MPHOSPH9: variants seen among roughly 807,000 people sequenced by gnomAD.
MPHOSPH9 encodes M-phase phosphoprotein 9.
In MPHOSPH9, 88 loss-of-function variants were observed where a neutral mutation model predicts 145.5. The observed-to-expected ratio is 0.60, with a 90% CI of 0.51 to 0.72. The LOEUF (loss-of-function observed/expected upper bound fraction) is 0.72, where lower values mean the gene tolerates loss of function less well. Ranked by LOEUF, MPHOSPH9 falls within the 30% of genes least tolerant of loss-of-function variation. The pLI is 0.00. For synonymous variants in MPHOSPH9, 435 were observed against 486.2 expected (o/e 0.89, Z 1.39); for missense variants, 1,238 against 1,386.6 (o/e 0.89, Z 1.70).
At chr12:123,220,785 G>A (rs2047164002) in intron 5 of MPHOSPH9, among the ~76,000 whole-genome samples, 1 of 152,014 alleles carries the variant, frequency 6.6e-6, no homozygotes, top group South Asian at 2.1e-4. Context: ...GCTGGGCGAG[G>A]TGGCTCACAC....
At chr12:123,199,305 C>A (rs1211269222) in intron 11 of MPHOSPH9, among the ~76,000 whole-genome samples, 1 of 152,066 alleles carries the variant, frequency 6.6e-6, no homozygotes, top group Non-Finnish European at 1.5e-5. Flanking sequence ...TAATTAACTT[C>A]CTTTGTAAAG....
Position 123,180,797 on chromosome 12 carries a change from C to A in MPHOSPH9, c.2289+366G>T, listed in dbSNP as rs143822737. On this transcript the variant is annotated intron_variant, in intron 14 of 23. Coordinates refer to ENST00000606320, the MANE Select transcript of MPHOSPH9 (RefSeq NM_022782.4). ...CTAAGGCAGAAGAATCGCTTGAACC[C>A]AGGAGGCAGAGGTTGTGGTGAGCCG... 4.8e-3 allele frequency among the ~76,000 whole-genome samples: 736 copies of A among 151,922 alleles called. 5 individuals are homozygous for A. The highest frequency in any genetic ancestry group is 8.5e-3 in the Non-Finnish European group (580 of 67,950).
At position 123,155,378 on chromosome 12, in the gene MPHOSPH9, TG is replaced by T. The variant is rs1346368771; in HGVS notation, c.*1428del. Reference sequence around the variant, plus strand: ...CCTTGCTGAGAAGGGAGCAGGGCTGTGGACCCCTGGCCTGGGGACCAGCCAG... The same window carrying T: ...CCTTGCTGAGAAGGGAGCAGGGCTGTGACCCCTGGCCTGGGGACCAGCCAG... On this transcript the variant is annotated 3_prime_UTR_variant, in exon 24 of 24. Coordinates refer to ENST00000606320, the MANE Select transcript of MPHOSPH9 (RefSeq NM_022782.4). 6.6e-6 allele frequency: 1 copy of T among 152,118 alleles called. No individual in the cohort carries two copies. The highest frequency in any genetic ancestry group is 1.5e-5 in the Non-Finnish European group (1 of 68,032). The allele number at this position is 152,118 out of a possible 1,614,324, so 9.4% of individuals were successfully genotyped here. A position where few individuals can be genotyped will look rare whatever the true frequency, so the allele number is the denominator to read the frequency against.
At position 123,156,631 on chromosome 12, in the gene MPHOSPH9, A is replaced by T. The variant is rs2043875724; in HGVS notation, c.*176T>A. 2.2e-6 allele frequency: 1 copy of T among 448,312 alleles called. No homozygotes were observed. Among genetic ancestry groups the T allele is most frequent in the Non-Finnish European group, 3.9e-6 (1 of 254,758 alleles). 27.8% of individuals were successfully genotyped at this position (448,312 alleles called of 1,614,324 possible). On this transcript the variant is annotated 3_prime_UTR_variant, in exon 24 of 24. Transcript: ENST00000606320. ...TACAAGAGATTCCTGAGCATAACAA[A>T]AATATCTTGAAAATATGTGGCCATT...
chr12:123,186,533 A>G (rs1015035126), intron 13 of MPHOSPH9, among the ~76,000 whole-genome samples: 2 of 152,204 alleles, frequency 1.3e-5, no homozygotes, highest in Non-Finnish European at 2.9e-5. Flanking sequence ...ATCATGTCAT[A>G]GGCAATAAAA....
intron 3 of MPHOSPH9, among the ~76,000 whole-genome samples, chr12:123,224,784 CTT>C (rs1184270610): frequency 2.0e-5 from 3 of 152,244 alleles, no homozygotes; most frequent in East Asian, 1.9e-4. Flanking sequence ...TCAAAACAAA[CTT>C]AAGTTTCAAA....
intron 11 of MPHOSPH9, among the ~76,000 whole-genome samples, chr12:123,201,624 C>T (rs2046225535): frequency 6.6e-6 from 1 of 152,140 alleles, no homozygotes; most frequent in Admixed American, 6.6e-5. Context: ...AAGAGATCTG[C>T]CTGCCACAGC....
intron 7 of MPHOSPH9, among the ~76,000 whole-genome samples, chr12:123,210,977 C>CTTTTTTTT (rs907442708): frequency 3.3e-5 from 3 of 89,786 alleles, no homozygotes; most frequent in Non-Finnish European, 4.2e-5. Flanking sequence ...TTTGTTTTTT[C>CTTTTTTTT]TTTTTTTTTT....
At chr12:123,197,875 A>G (rs1323902918) in intron 12 of MPHOSPH9, among the ~76,000 whole-genome samples, 1 of 151,774 alleles carries the variant, frequency 6.6e-6, no homozygotes, top group African/African-American at 2.4e-5. Context: ...CAAGGTCAGG[A>G]GATCGAGACC....
chr12:123,216,563 T>C (rs1046064298), intron 6 of MPHOSPH9, among the ~76,000 whole-genome samples: 3 of 152,090 alleles, frequency 2.0e-5, no homozygotes, highest in African/African-American at 7.2e-5. Flanking sequence ...ATATTAAAAA[T>C]TATCTGGCCA....
At chr12:123,156,947 A>G in intron 23 of MPHOSPH9, 39 bp from the exon 24 acceptor site, 2 of 1,507,704 alleles carry the variant, frequency 1.3e-6, no homozygotes, top group Non-Finnish European at 1.8e-6. Context: ...TTAGAATTCT[A>G]TACCAAGTTC....
chr12:123,241,935 G>A (rs2138756927), intron 1 of MPHOSPH9, among the ~76,000 whole-genome samples: 1 of 152,322 alleles, frequency 6.6e-6, no homozygotes, highest in South Asian at 2.1e-4. Context: ...TCTCCAGGAG[G>A]ATGAGGGGCA....
In MPHOSPH9 at chr12:123,192,475, A is replaced by G. The variant is rs187810686; in HGVS notation, c.2241+1911T>C. Among the ~76,000 whole-genome samples, 9 of 151,538 alleles carry G rather than the reference A, an allele frequency of 5.9e-5. No homozygotes were observed. The East Asian group carries it at 1.7e-3, about 29-fold the overall frequency. On this transcript the variant is annotated intron_variant, in intron 13 of 23. Coordinates refer to ENST00000606320, the MANE Select transcript of MPHOSPH9 (RefSeq NM_022782.4). ...TCTCAAAAAAAAAAAAAAAAGTTAA[A>G]TAATTGTCAGGGCATAGTGGCATGT...
intron 7 of MPHOSPH9, 102 bp downstream of exon 7, chr12:123,214,642 G>A (rs769871522): frequency 2.0e-5 from 17 of 840,924 alleles, no homozygotes; most frequent in Non-Finnish European, 2.6e-5. Context: ...ATGGAGAAAT[G>A]TAGGCAAGTT....
chr12:123,241,795 A>C (rs1276095262), intron 1 of MPHOSPH9, among the ~76,000 whole-genome samples: 2 of 152,232 alleles, frequency 1.3e-5, no homozygotes, highest in Non-Finnish European at 2.9e-5. Context: ...AGAGTTGAAC[A>C]TGCCATCCCT....
intron 13 of MPHOSPH9, among the ~76,000 whole-genome samples, chr12:123,185,523 C>T (rs924605488): frequency 6.6e-6 from 1 of 152,008 alleles, no homozygotes. Context: ...GTGGGAGTAT[C>T]GCTTGAGCTC....
In MPHOSPH9 at chr12:123,202,125, A is replaced by G. The variant is rs1241946626; in HGVS notation, c.1937+39T>C. ...ATACTTCTGTGAAAATAATACATCC[A>G]AGGTGGAGAAAACTTCACAGCTAAA... On this transcript the variant is annotated intron_variant, in intron 11 of 23. Coordinates refer to ENST00000606320, the MANE Select transcript of MPHOSPH9 (RefSeq NM_022782.4). 3 of 1,551,712 alleles carry G rather than the reference A, an allele frequency of 1.9e-6. No individual in the cohort carries two copies. In the African/African-American group the frequency reaches 4.2e-5, roughly 22 times the overall value.
intron 7 of MPHOSPH9, among the ~76,000 whole-genome samples, chr12:123,214,176 A>C (rs2046864231): frequency 6.6e-6 from 1 of 152,204 alleles, no homozygotes; most frequent in East Asian, 1.9e-4. Context: ...TGATTTTTAC[A>C]GCTGTTCAAA....
In MPHOSPH9 at chr12:123,156,059, T is replaced by C. The variant is rs933531729; in HGVS notation, c.*748A>G. Reference sequence around the variant, plus strand: ...TTCAAAGGGTTTATCTGTCCATTTATTGTCCAGGGTGGGACACAAGTTAAT... The same window carrying C: ...TTCAAAGGGTTTATCTGTCCATTTACTGTCCAGGGTGGGACACAAGTTAAT... On this transcript the variant is annotated 3_prime_UTR_variant, in exon 24 of 24. Coordinates refer to ENST00000606320, the MANE Select transcript of MPHOSPH9 (RefSeq NM_022782.4). The C allele has an allele frequency of 3.9e-5, 6 of 152,230 alleles. No homozygotes were observed. The highest frequency in any genetic ancestry group is 1.4e-4 in the African/African-American group (6 of 41,452). The allele number at this position is 152,230 out of a possible 1,614,324, so 9.4% of individuals were successfully genotyped here.
Sources: gnomAD v4.1 joint callset for allele counts (sites outside exome capture counted in the v4.1 genomes callset) on GRCh38, gnomAD v4.1.1 for gene constraint, MANE v1.5 for transcripts, NCBI Gene and HGNC (gene_info 2026-07-23, HGNC 2026-07-21) for gene names.